Variants in VPS54 observed in about 807,000 individuals in gnomAD.
VPS54 encodes vacuolar protein sorting-associated protein 54.
Under a neutral mutation model 121.5 loss-of-function variants are expected in VPS54, and 45 were observed. That is an observed-to-expected ratio of 0.37 (90% CI 0.29 to 0.47). The LOEUF (loss-of-function observed/expected upper bound fraction) is 0.47. VPS54 is among the 20% of genes least tolerant of loss of function. The probability of loss-of-function intolerance (pLI) is 0.99; values close to 1 mark genes in which losing one functional copy is unlikely to be tolerated. For synonymous variants in VPS54, 371 were observed against 385.8 expected (o/e 0.96, Z 0.45); for missense variants, 1,090 against 1,131.4 (o/e 0.96, Z 0.52).
chr2:63,957,159 C>T (rs1459940494), intron 7 of VPS54, among the ~76,000 whole-genome samples: 3 of 151,656 alleles, frequency 2.0e-5, no homozygotes, highest in African/African-American at 7.3e-5. Context: ...TATTTATATC[C>T]CGGCCGGGCA....
chr2:63,970,606 G>C (rs565580285), intron 4 of VPS54, among the ~76,000 whole-genome samples: 44 of 152,208 alleles, frequency 2.9e-4, no homozygotes, highest in Admixed American at 5.2e-4. Flanking sequence ...ACTTCTCAGT[G>C]TACAAATTGA....
chr2:63,967,482 G>A (rs1028179100), intron 5 of VPS54, among the ~76,000 whole-genome samples: 2 of 151,904 alleles, frequency 1.3e-5, no homozygotes, highest in Admixed American at 6.6e-5. Flanking sequence ...TCGGAGGCCA[G>A]GTGGGCGGAT....
chr2:63,943,401 GA>G (rs966778214), intron 10 of VPS54, among the ~76,000 whole-genome samples: 2 of 152,168 alleles, frequency 1.3e-5, no homozygotes, highest in African/African-American at 4.8e-5. Flanking sequence ...TAGGGAAGAA[GA>G]AAAACTGACT....
At chr2:63,894,227 A>G (rs1672345420) in intron 22 of VPS54, among the ~76,000 whole-genome samples, 1 of 152,254 alleles carries the variant, frequency 6.6e-6, no homozygotes, top group Admixed American at 6.5e-5. Context: ...GAGTTGGTAC[A>G]GCCACTGTCA....
intron 20 of VPS54, among the ~76,000 whole-genome samples, chr2:63,906,801 G>A (rs960092430): frequency 3.9e-5 from 6 of 152,104 alleles, no homozygotes; most frequent in African/African-American, 7.2e-5. Flanking sequence ...TACATTCAAC[G>A]CAATTTCAAT....
At chr2:63,924,640 C>G (rs1174129864) in intron 12 of VPS54, among the ~76,000 whole-genome samples, 1 of 152,092 alleles carries the variant, frequency 6.6e-6, no homozygotes, top group Non-Finnish European at 1.5e-5. Flanking sequence ...CATAGTAAGA[C>G]CCCATCTCTA....
At chr2:64,003,227 G>C (rs1262996419) in intron 1 of VPS54, among the ~76,000 whole-genome samples, 1 of 152,146 alleles carries the variant, frequency 6.6e-6, no homozygotes, top group African/African-American at 2.4e-5. Context: ...AAAGCTCTAA[G>C]CACTAAACAC....
chr2:64,012,454 TTA>T (rs1491136009), intron 1 of VPS54, among the ~76,000 whole-genome samples: 10 of 97,244 alleles, frequency 1.0e-4, no homozygotes, highest in African/African-American at 4.7e-4. Flanking sequence ...AAGTAACTGT[TTA>T]AAAAAAAAAA....
At position 63,892,632 on chromosome 2, in the gene VPS54, CCCTT is replaced by C. The variant is rs1672267190; in HGVS notation, c.*794_*797del. ...CTGCTACAAATAAAAACACCCCAAA[CCCTT>C]CATCATACTTTTATAAAAATACAGA... On this transcript the variant is annotated 3_prime_UTR_variant, in exon 23 of 23. Coordinates refer to ENST00000272322, the MANE Select transcript of VPS54 (RefSeq NM_016516.3). 6.6e-6 allele frequency: 1 copy of C among 152,528 alleles called. No individual in the cohort carries two copies. Among genetic ancestry groups the C allele is most frequent in the African/African-American group, 2.4e-5 (1 of 41,416 alleles). The allele number at this position is 152,528 out of a possible 1,614,324, so 9.4% of individuals were successfully genotyped here. A position where few individuals can be genotyped will look rare whatever the true frequency, so the allele number is the denominator to read the frequency against.
chr2:63,990,330 G>A (rs1040325538), intron 1 of VPS54, among the ~76,000 whole-genome samples: 4 of 149,552 alleles, frequency 2.7e-5, no homozygotes, highest in East Asian at 1.9e-4. Flanking sequence ...CCGCGGCCAC[G>A]ACTCAGACAG....
chr2:63,963,086 A>G (rs1177927840), intron 6 of VPS54, among the ~76,000 whole-genome samples: 1 of 152,132 alleles, frequency 6.6e-6, no homozygotes, highest in Non-Finnish European at 1.5e-5. Context: ...AATCCAAGAT[A>G]GACTGATGGT....
chr2:63,939,299 G>T (rs1445043792), intron 11 of VPS54, among the ~76,000 whole-genome samples: 2 of 151,966 alleles, frequency 1.3e-5, no homozygotes, highest in African/African-American at 4.8e-5. Flanking sequence ...TTGATCCTGG[G>T]AGGCAGAGAT....
intron 1 of VPS54, among the ~76,000 whole-genome samples, chr2:64,012,059 G>T (rs1678454632): frequency 6.6e-6 from 1 of 152,114 alleles, no homozygotes; most frequent in Non-Finnish European, 1.5e-5. Context: ...CAATAAATTA[G>T]TATTTTAATT....
At chr2:63,899,423 C>T (rs757568828) in intron 21 of VPS54, 51 bp downstream of exon 21, 1 of 1,510,102 alleles carries the variant, frequency 6.6e-7, no homozygotes, top group Non-Finnish European at 9.1e-7. Flanking sequence ...CAATTCTGTA[C>T]AGATATTGTA....
chr2:63,967,143 T>C (rs1676037942), intron 5 of VPS54, among the ~76,000 whole-genome samples: 2 of 152,208 alleles, frequency 1.3e-5, no homozygotes, highest in South Asian at 4.1e-4. Context: ...GCCTAAAACA[T>C]GGTTTAATCA....
Position 63,916,893 on chromosome 2 carries a change from C to A in VPS54, c.2228+7G>T. On this transcript the variant is annotated splice_region_variant and intron_variant, in intron 16 of 22. Coordinates refer to ENST00000272322, the MANE Select transcript of VPS54 (RefSeq NM_016516.3). The stretch of plus-strand genomic sequence containing the variant: ...ACTCAACTACTAAAGAAAAATGTGT[C>A]ACTCACCCAACAACTGCATACTGTT... 6.2e-7 allele frequency: 1 copy of A among 1,613,270 alleles called. No individual in the cohort carries two copies. Among genetic ancestry groups the A allele is most frequent in the Non-Finnish European group, 8.5e-7 (1 of 1,179,452 alleles).
In VPS54 at chr2:63,893,352, G is replaced by A. The variant is rs762645113; in HGVS notation, c.*78C>T. ...ACTTTGGGTTTCAGGTTCAATTCTC[G>A]AATCACAGGCATCCAGATTTTCTTC... On this transcript the variant is annotated 3_prime_UTR_variant, in exon 23 of 23. Coordinates refer to ENST00000272322, the MANE Select transcript of VPS54 (RefSeq NM_016516.3). 28 of 1,273,806 alleles carry A rather than the reference G, an allele frequency of 2.2e-5. No individual in the cohort carries two copies. Among genetic ancestry groups the A allele is most frequent in the African/African-American group, 2.9e-5 (2 of 68,246 alleles). 78.9% of individuals were successfully genotyped at this position (1,273,806 alleles called of 1,614,324 possible).
chr2:64,005,766 ACT>A (rs1456480500), intron 1 of VPS54, among the ~76,000 whole-genome samples: 1 of 152,126 alleles, frequency 6.6e-6, no homozygotes, highest in Non-Finnish European at 1.5e-5. Flanking sequence ...GTTGAGAACC[ACT>A]GAGTTAGGGA....
At chr2:63,961,117 A>G (rs1675748432) in intron 7 of VPS54, among the ~76,000 whole-genome samples, 1 of 152,246 alleles carries the variant, frequency 6.6e-6, no homozygotes, top group East Asian at 1.9e-4. Flanking sequence ...AATTGTAGAG[A>G]CTTTTAGAGC....
Sources: allele counts gnomAD v4.1 joint callset (sites outside exome capture counted in the v4.1 genomes callset), GRCh38; gene constraint gnomAD v4.1.1; transcripts MANE v1.5; gene names NCBI Gene and HGNC (gene_info 2026-07-23, HGNC 2026-07-21).